Variants in GSE1 observed in about 807,000 individuals in gnomAD.
GSE1 encodes the protein genetic suppressor element 1.
Under a neutral mutation model 112.6 loss-of-function variants are expected in GSE1, and 32 were observed. That is an observed-to-expected ratio of 0.28 (90% confidence interval 0.21 to 0.38). GSE1 has a LOEUF of 0.38. Ranked by LOEUF, GSE1 falls within the 10% of genes least tolerant of loss-of-function variation. The pLI is 1.00. For missense variants in GSE1, 2,348 were observed against 1,699.2 expected (o/e 1.38, Z -6.71); for synonymous variants, 1,115 against 735.6 (o/e 1.52, Z -8.35).
At chr16:85,234,888 G>A (rs1299885540) in intron 1 of GSE1, among the ~76,000 whole-genome samples, 2 of 152,178 alleles carry the variant, frequency 1.3e-5, no homozygotes, top group African/African-American at 2.4e-5. Flanking sequence ...TTACACCAAA[G>A]AAACAAAGGC....
At chr16:85,496,206 A>T (rs1007439792) in intron 2 of GSE1, among the ~76,000 whole-genome samples, 1 of 152,154 alleles carries the variant, frequency 6.6e-6, no homozygotes, top group African/African-American at 2.4e-5. Context: ...TTTGCAGCCA[A>T]TGGCAATTCC....
intron 1 of GSE1, among the ~76,000 whole-genome samples, chr16:85,324,627 G>A (rs1455124794): frequency 2.0e-5 from 3 of 152,186 alleles, no homozygotes; most frequent in Non-Finnish European, 4.4e-5. Flanking sequence ...CACAGAAGCT[G>A]TCAGTTGATG....
intron 1 of GSE1, among the ~76,000 whole-genome samples, chr16:85,247,033 C>T (rs958585150): frequency 1.3e-5 from 2 of 152,072 alleles, no homozygotes; most frequent in Non-Finnish European, 2.9e-5. Flanking sequence ...CTTCTCTGAC[C>T]CATCTCGTCA....
intron 1 of GSE1, among the ~76,000 whole-genome samples, chr16:85,323,264 C>T (rs2046153315): frequency 6.6e-6 from 1 of 152,130 alleles, no homozygotes; most frequent in Non-Finnish European, 1.5e-5. Flanking sequence ...AGACAGCATT[C>T]AGTGCCAAAG....
chr16:85,386,597 C>G (rs117506490), intron 2 of GSE1, among the ~76,000 whole-genome samples: 1 of 152,158 alleles, frequency 6.6e-6, no homozygotes, highest in South Asian at 2.1e-4. Flanking sequence ...CCAGCTGTGT[C>G]GGCTGTGTGG....
At chr16:85,527,739 CGCACGGGCT>C (rs1416677004) in intron 2 of GSE1, among the ~76,000 whole-genome samples, 3 of 151,562 alleles carry the variant, frequency 2.0e-5, no homozygotes, top group Non-Finnish European at 2.9e-5. Flanking sequence ...TGGAAGAGAG[CGCACGGGCT>C]TGCCCACACC....
At chr16:85,560,128 C>CTTTTT (rs377241566) in intron 1 of GSE1, among the ~76,000 whole-genome samples, 446 of 99,116 alleles carry the variant, frequency 4.5e-3, no homozygotes, top group Non-Finnish European at 5.2e-3. Flanking sequence ...TCTTCTTCTT[C>CTTTTT]TTTTTTTTTT....
At chr16:85,572,997 G>A (rs1373482313) in intron 1 of GSE1, among the ~76,000 whole-genome samples, 1 of 152,164 alleles carries the variant, frequency 6.6e-6, no homozygotes, top group Non-Finnish European at 1.5e-5. Context: ...AGCCTCCTGA[G>A]TAGCTGGGAT....
intron 1 of GSE1, among the ~76,000 whole-genome samples, chr16:85,208,354 G>A (rs1375516611): frequency 3.3e-5 from 5 of 152,184 alleles, no homozygotes; most frequent in Non-Finnish European, 7.4e-5. Flanking sequence ...CATCGCCCGT[G>A]GCATCTCGGC....
chr16:85,422,460 G>C (rs1376070753), intron 2 of GSE1, among the ~76,000 whole-genome samples: 1 of 152,168 alleles, frequency 6.6e-6, no homozygotes, highest in African/African-American at 2.4e-5. Context: ...GGGCCCACGC[G>C]GGAGGCAGTG....
intron 2 of GSE1, among the ~76,000 whole-genome samples, chr16:85,503,419 C>G (rs913298986): frequency 7.9e-5 from 12 of 152,296 alleles, no homozygotes; most frequent in Middle Eastern, 3.4e-3. Flanking sequence ...ATCATGACCA[C>G]CTAGTGAAGG....
chr16:85,568,685 C>G (rs1027008248), intron 1 of GSE1, among the ~76,000 whole-genome samples: 1 of 152,200 alleles, frequency 6.6e-6, no homozygotes, highest in African/African-American at 2.4e-5. Flanking sequence ...AACCCTTCCC[C>G]ATTCACTCCC....
intron 14 of GSE1, among the ~76,000 whole-genome samples, chr16:85,669,487 A>C (rs935863531): frequency 4.6e-5 from 7 of 152,040 alleles, no homozygotes; most frequent in Non-Finnish European, 1.0e-4. Context: ...CAGGACATCA[A>C]ATCCCGTATT....
intron 1 of GSE1, among the ~76,000 whole-genome samples, chr16:85,349,090 C>T (rs1001060455): frequency 2.0e-5 from 3 of 152,212 alleles, no homozygotes; most frequent in Non-Finnish European, 2.9e-5. Context: ...CCTGATTACT[C>T]ATTTGCCGGG....
chr16:85,539,045 G>A (rs921212837), intron 2 of GSE1, among the ~76,000 whole-genome samples: 23 of 152,330 alleles, frequency 1.5e-4, no homozygotes, highest in African/African-American at 3.8e-4. Context: ...TGCCAGCCCC[G>A]CGGGGCATGG....
intron 2 of GSE1, among the ~76,000 whole-genome samples, chr16:85,377,788 G>T (rs1231932302): frequency 6.6e-6 from 1 of 152,218 alleles, no homozygotes; most frequent in Admixed American, 6.5e-5. Context: ...TGCAGGAGGA[G>T]GCTCCCTGCG....
intron 2 of GSE1, among the ~76,000 whole-genome samples, chr16:85,430,552 G>T (rs1042212177): frequency 3.3e-5 from 5 of 152,234 alleles, no homozygotes; most frequent in Admixed American, 2.0e-4. Context: ...CCAGGCCAGG[G>T]GGCGGAGGGG....
chr16:85,630,659 G>C (rs1030165977), intron 1 of GSE1, among the ~76,000 whole-genome samples: 3 of 152,190 alleles, frequency 2.0e-5, no homozygotes. Context: ...TTAGCTGTGT[G>C]TGGTGCGCGC....
rs1279476969 is a variant in GSE1, at chr16:85,597,396, AAAG to A, written c.37+41042_37+41044del. On this transcript the variant is annotated intron_variant, in intron 1 of 2. Transcript: ENST00000635906. ...CTCAAAAAAAAAAAAAAAAAAAAAA[AAAG>A]AAGAAGAAAGTTCTGTCAGAGAGCA... Among the ~76,000 whole-genome samples, 961 of 149,842 alleles carry A rather than the reference AAAG, an allele frequency of 6.4e-3. 16 individuals are homozygous for A. The highest frequency in any genetic ancestry group is 0.023 in the African/African-American group (895 of 39,748).
Sources: allele counts gnomAD v4.1 joint callset (sites outside exome capture counted in the v4.1 genomes callset), GRCh38; gene constraint gnomAD v4.1.1; transcripts MANE v1.5; gene names NCBI Gene and HGNC (gene_info 2026-07-23, HGNC 2026-07-21).